PPP3CA: variants seen among roughly 807,000 people sequenced by gnomAD.
PPP3CA encodes protein phosphatase 3 catalytic subunit alpha, also known as CAM-PRP catalytic subunit.
In PPP3CA, 14 loss-of-function variants were observed where a neutral mutation model predicts 66.5. The observed-to-expected ratio is 0.21, with a 90% CI of 0.14 to 0.33. The LOEUF is 0.33. PPP3CA is among the 10% of genes least tolerant of loss of function. PPP3CA has a pLI of 1.00. For synonymous variants in PPP3CA, 232 were observed against 226.2 expected (o/e 1.03, Z -0.23); for missense variants, 317 against 639.5 (o/e 0.50, Z 5.44).
intron 1 of PPP3CA, among the ~76,000 whole-genome samples, chr4:101,281,743 T>A (rs1727691620): frequency 6.6e-6 from 1 of 152,212 alleles, no homozygotes; most frequent in African/African-American, 2.4e-5. Flanking sequence ...AGCATTCAAC[T>A]CAAGTAAGAA....
intron 1 of PPP3CA, among the ~76,000 whole-genome samples, chr4:101,269,702 CTT>C (rs1727277514): frequency 6.6e-6 from 1 of 152,016 alleles, no homozygotes; most frequent in African/African-American, 2.4e-5. Context: ...GTAATATCCA[CTT>C]TGTTTCATAG....
intron 2 of PPP3CA, among the ~76,000 whole-genome samples, chr4:101,147,522 T>C (rs1378467099): frequency 6.6e-6 from 1 of 152,136 alleles, no homozygotes; most frequent in African/African-American, 2.4e-5. Context: ...GCTGAGCCCA[T>C]TGAAATATTA....
At chr4:101,291,394 C>T (rs1419304706) in intron 1 of PPP3CA, among the ~76,000 whole-genome samples, 4 of 152,152 alleles carry the variant, frequency 2.6e-5, no homozygotes, top group African/African-American at 9.7e-5. Context: ...TGAGGATTGC[C>T]TTCCCAACAC....
At chr4:101,041,676 T>C (rs906590330) in intron 10 of PPP3CA, among the ~76,000 whole-genome samples, 3 of 152,000 alleles carry the variant, frequency 2.0e-5, no homozygotes, top group Non-Finnish European at 4.4e-5. Context: ...TCAAATGACC[T>C]GCCTGCCTCA....
intron 1 of PPP3CA, among the ~76,000 whole-genome samples, chr4:101,229,236 T>TACACACACAC (rs10654762): frequency 1.2e-4 from 18 of 150,200 alleles, no homozygotes; most frequent in East Asian, 5.9e-4. Context: ...TTCATTATTT[T>TACACACACAC]ACACTCACAC....
chr4:101,059,268 A>T (rs916942394), intron 10 of PPP3CA, among the ~76,000 whole-genome samples: 2 of 152,266 alleles, frequency 1.3e-5, no homozygotes, highest in Admixed American at 1.3e-4. Flanking sequence ...CATATTTCAA[A>T]ATATGCCAAT....
rs1212469116 is a variant in PPP3CA, at chr4:101,271,114, C to A, written c.59-74998G>T. ...GTTCACATCACACACAGAAACTGTT[C>A]TCCAAATAACAGCACTCCCACCTGT... On this transcript the variant is annotated intron_variant, in intron 1 of 13. Transcript: ENST00000394854. Among the ~76,000 whole-genome samples, 3 of 152,146 alleles carry A rather than the reference C, an allele frequency of 2.0e-5. No homozygotes were observed. In the South Asian group the frequency reaches 6.2e-4, roughly 32 times the overall value.
chr4:101,087,745 G>C (rs1729733343), intron 6 of PPP3CA, among the ~76,000 whole-genome samples: 1 of 152,060 alleles, frequency 6.6e-6, no homozygotes, highest in Non-Finnish European at 1.5e-5. Flanking sequence ...TTTCTTGGCT[G>C]TTATGATTAA....
chr4:101,029,366 A>G (rs907324198), intron 12 of PPP3CA, among the ~76,000 whole-genome samples, 171 bp from the exon 13 acceptor site: 5 of 104,466 alleles, frequency 4.8e-5, no homozygotes, highest in East Asian at 4.0e-4. Context: ...AAAAAAAAAA[A>G]AAAAAAGAAA....
intron 2 of PPP3CA, among the ~76,000 whole-genome samples, chr4:101,156,583 G>A (rs990272562): frequency 6.6e-6 from 1 of 152,144 alleles, no homozygotes; most frequent in African/African-American, 2.4e-5. Context: ...GGGAGACTGA[G>A]GCAGGAGAAT....
intron 1 of PPP3CA, among the ~76,000 whole-genome samples, chr4:101,336,412 A>G (rs1729635424): frequency 6.6e-6 from 1 of 151,516 alleles, no homozygotes; most frequent in Admixed American, 6.6e-5. Flanking sequence ...TCTACTAAAA[A>G]TACAAAAAAA....
chr4:101,330,159 A>G (rs1002869806), intron 1 of PPP3CA: 1 of 367,800 alleles, frequency 2.7e-6, no homozygotes, highest in East Asian at 1.0e-4. Flanking sequence ...CACATTAACA[A>G]GAGTTTGAAA....
At chr4:101,160,821 G>A (rs1270674628) in intron 2 of PPP3CA, among the ~76,000 whole-genome samples, 1 of 151,992 alleles carries the variant, frequency 6.6e-6, no homozygotes, top group East Asian at 1.9e-4. Flanking sequence ...TGGTAATAAG[G>A]GGCTAGGTTT....
chr4:101,191,054 C>G (rs1724585905), intron 2 of PPP3CA, among the ~76,000 whole-genome samples: 1 of 152,186 alleles, frequency 6.6e-6, no homozygotes, highest in South Asian at 2.1e-4. Context: ...AGGTCTTCAG[C>G]TTACCCGCTA....
intron 2 of PPP3CA, among the ~76,000 whole-genome samples, chr4:101,167,166 T>C (rs1247703715): frequency 1.3e-5 from 2 of 152,128 alleles, no homozygotes; most frequent in Non-Finnish European, 2.9e-5. Context: ...CTCTCTAGGC[T>C]CTGTAAATGC....
chr4:101,307,195 G>A (rs1438742581), intron 1 of PPP3CA, among the ~76,000 whole-genome samples: 2 of 146,814 alleles, frequency 1.4e-5, no homozygotes, highest in Non-Finnish European at 3.0e-5. Flanking sequence ...AACAGATTCT[G>A]TTGGTACAGT....
intron 1 of PPP3CA, among the ~76,000 whole-genome samples, chr4:101,243,036 A>T (rs1052676182): frequency 3.3e-5 from 5 of 152,192 alleles, no homozygotes; most frequent in Non-Finnish European, 7.3e-5. Flanking sequence ...AAGGTTGATG[A>T]TGACCATGGC....
At chr4:101,049,784 T>A (rs2110217092) in intron 10 of PPP3CA, among the ~76,000 whole-genome samples, 1 of 152,234 alleles carries the variant, frequency 6.6e-6, no homozygotes, top group South Asian at 2.1e-4. Flanking sequence ...TATTAAATAT[T>A]ACATTTGATT....
intron 2 of PPP3CA, among the ~76,000 whole-genome samples, chr4:101,139,307 A>G (rs1334220916): frequency 6.8e-6 from 1 of 146,566 alleles, no homozygotes; most frequent in African/African-American, 2.6e-5. Flanking sequence ...AGATCCCACC[A>G]CTGCACTCCA....
Sources: gnomAD v4.1 joint callset for allele counts (sites outside exome capture counted in the v4.1 genomes callset) on GRCh38, gnomAD v4.1.1 for gene constraint, MANE v1.5 for transcripts, NCBI Gene and HGNC (gene_info 2026-07-23, HGNC 2026-07-21) for gene names.